Variants in ATP9B observed in about 807,000 individuals in gnomAD.
The protein encoded by ATP9B is ATPase phospholipid transporting 9B.
A neutral mutation model predicts 146.1 loss-of-function variants in ATP9B; 110 were observed. The ratio of observed to expected loss-of-function variants is 0.75; its 90% CI spans 0.65 to 0.88. The LOEUF (loss-of-function observed/expected upper bound fraction) is 0.88, where lower values mean the gene tolerates loss of function less well. Among genes scored for constraint, ATP9B ranks in the 40% least tolerant of loss-of-function variants. The pLI is 0.00. For missense variants in ATP9B, 1,499 were observed against 1,496.4 expected (o/e 1.00, Z -0.03); for synonymous variants, 604 against 569.7 (o/e 1.06, Z -0.86).
At chr18:79,363,830 G>T (rs1313482585) in intron 26 of ATP9B, 4 of 149,942 alleles carry the variant, frequency 2.7e-5, no homozygotes, top group Non-Finnish European at 5.9e-5. Context: ...TCCTGGGTTG[G>T]GAGGCGTAAA....
intron 7 of ATP9B, among the ~76,000 whole-genome samples, chr18:79,167,462 G>A (rs1396656118): frequency 6.6e-6 from 1 of 152,070 alleles, no homozygotes; most frequent in Non-Finnish European, 1.5e-5. Flanking sequence ...AGGTCGTTCT[G>A]TTGAGTGTGC....
chr18:79,264,264 C>T (rs2096177741), intron 12 of ATP9B, among the ~76,000 whole-genome samples: 1 of 152,202 alleles, frequency 6.6e-6, no homozygotes, highest in Admixed American at 6.5e-5. Flanking sequence ...GTGGGCTTCT[C>T]ATTGCAGTTT....
intron 8 of ATP9B, among the ~76,000 whole-genome samples, chr18:79,190,043 A>C (rs1178357769): frequency 6.6e-6 from 1 of 152,240 alleles, no homozygotes; most frequent in Admixed American, 6.5e-5. Context: ...CACTCCCCGC[A>C]GCAGCAGCAG....
intron 8 of ATP9B, among the ~76,000 whole-genome samples, chr18:79,190,619 C>T (rs1451228615): frequency 6.6e-6 from 1 of 152,072 alleles, no homozygotes; most frequent in East Asian, 1.9e-4. Context: ...TCTCGGCTCA[C>T]TGCAACCTCT....
chr18:79,107,231 A>G (rs2075712220), intron 2 of ATP9B, among the ~76,000 whole-genome samples: 1 of 152,188 alleles, frequency 6.6e-6, no homozygotes. Context: ...AGTAGAACTC[A>G]CTGTAGTAAT....
rs140517166 is a variant in ATP9B, at chr18:79,356,227, C to T, written c.2904-3127C>T. Reference sequence around the variant, plus strand: ...GCCTGCCAGAATTGTGAGGAAGAGTCACAGAAACTGGATAGCTCTTACATT... The same window carrying T: ...GCCTGCCAGAATTGTGAGGAAGAGTTACAGAAACTGGATAGCTCTTACATT... On this transcript the variant is annotated intron_variant, in intron 25 of 29. Transcript: ENST00000426216. 9.9e-5 allele frequency among the ~76,000 whole-genome samples: 15 copies of T among 152,246 alleles called. No individual in the cohort carries two copies. The East Asian group carries it at 2.9e-3, about 29-fold the overall frequency.
At chr18:79,325,380 A>G (rs779450362) in intron 15 of ATP9B, among the ~76,000 whole-genome samples, 38 of 152,220 alleles carry the variant, frequency 2.5e-4, no homozygotes, top group Non-Finnish European at 4.3e-4. Flanking sequence ...CTGCTTTTCC[A>G]GAATCATTCT....
At chr18:79,122,966 C>T (rs2094214652) in intron 4 of ATP9B, among the ~76,000 whole-genome samples, 1 of 152,080 alleles carries the variant, frequency 6.6e-6, no homozygotes, top group Non-Finnish European at 1.5e-5. Flanking sequence ...AAATTTTGTA[C>T]TTCACACAGC....
At chr18:79,206,862 A>G (rs2095539048) in intron 9 of ATP9B, 75 bp from the exon 10 acceptor site, 3 of 1,392,274 alleles carry the variant, frequency 2.2e-6, no homozygotes, top group Non-Finnish European at 3.0e-6. Context: ...CCTGTTTCTA[A>G]TACTGAGGTT....
chr18:79,334,798 C>T (rs930246140), intron 17 of ATP9B, among the ~76,000 whole-genome samples: 1 of 150,758 alleles, frequency 6.6e-6, no homozygotes, highest in Non-Finnish European at 1.5e-5. Context: ...CCCCTTGTGC[C>T]GGATAGGAGA....
chr18:79,345,389 T>C (rs774865424), intron 21 of ATP9B, 39 bp from the exon 22 acceptor site: 1 of 1,605,444 alleles, frequency 6.2e-7, no homozygotes, highest in Non-Finnish European at 8.5e-7. Flanking sequence ...GACACTGTTG[T>C]CGACCATAAG....
intron 25 of ATP9B, among the ~76,000 whole-genome samples, chr18:79,351,794 G>A (rs1476217836): frequency 1.3e-5 from 2 of 151,548 alleles, no homozygotes; most frequent in African/African-American, 2.4e-5. Flanking sequence ...GGGACCATGG[G>A]GGCCGCAAAG....
chr18:79,130,728 AC>A (rs1348715335), intron 5 of ATP9B, among the ~76,000 whole-genome samples: 3 of 152,218 alleles, frequency 2.0e-5, no homozygotes, highest in Non-Finnish European at 4.4e-5. Context: ...AACTGGTCAC[AC>A]ACAAGGAACC....
intron 9 of ATP9B, among the ~76,000 whole-genome samples, chr18:79,199,338 C>G (rs1207999505): frequency 1.3e-5 from 2 of 152,198 alleles, no homozygotes; most frequent in Non-Finnish European, 2.9e-5. Context: ...AATCTTTTTA[C>G]TCTATTAATA....
intron 1 of ATP9B, among the ~76,000 whole-genome samples, chr18:79,084,680 T>G (rs986563214): frequency 7.9e-5 from 12 of 152,246 alleles, no homozygotes; most frequent in African/African-American, 2.7e-4. Flanking sequence ...CATCGCTTTG[T>G]GAGCATTGAA....
intron 11 of ATP9B, among the ~76,000 whole-genome samples, chr18:79,219,913 A>G (rs1179817508): frequency 2.6e-5 from 4 of 152,228 alleles, no homozygotes; most frequent in African/African-American, 9.6e-5. Context: ...CGAGAGCCTA[A>G]CAATTTAGGC....
intron 3 of ATP9B, among the ~76,000 whole-genome samples, chr18:79,112,850 G>A (rs564205977): frequency 6.6e-6 from 1 of 152,058 alleles, no homozygotes; most frequent in Non-Finnish European, 1.5e-5. Flanking sequence ...AGATACACCT[G>A]TATATTTACT....
chr18:79,285,468 GT>G (rs1265380033), intron 13 of ATP9B, among the ~76,000 whole-genome samples: 1 of 152,120 alleles, frequency 6.6e-6, no homozygotes, highest in Non-Finnish European at 1.5e-5. Flanking sequence ...TGATGGGGTT[GT>G]TTTTTTCTTG....
chr18:79,376,964 T>G (rs2097106630), intron 29 of ATP9B, among the ~76,000 whole-genome samples: 1 of 152,204 alleles, frequency 6.6e-6, no homozygotes, highest in African/African-American at 2.4e-5. Context: ...CTCCCAAAAG[T>G]GCTGGGATTA....
Sources: gnomAD v4.1 joint callset for allele counts (sites outside exome capture counted in the v4.1 genomes callset) on GRCh38, gnomAD v4.1.1 for gene constraint, MANE v1.5 for transcripts, NCBI Gene and HGNC (gene_info 2026-07-23, HGNC 2026-07-21) for gene names.